AMBRA1: variants seen among roughly 807,000 people sequenced by gnomAD.
AMBRA1 encodes autophagy and beclin 1 regulator 1, also known as activating molecule in BECN1-regulated autophagy protein 1.
A neutral mutation model predicts 125.4 loss-of-function variants in AMBRA1; 47 were observed. That is an observed-to-expected ratio of 0.37 (90% CI 0.30 to 0.48). The LOEUF is 0.48. AMBRA1 is among the 20% of genes least tolerant of loss of function. AMBRA1 has a pLI of 0.99. For missense variants in AMBRA1, 1,331 were observed against 1,693.4 expected (o/e 0.79, Z 3.76); for synonymous variants, 626 against 655.5 (o/e 0.95, Z 0.69).
intron 11 of AMBRA1, among the ~76,000 whole-genome samples, chr11:46,484,236 A>G (rs552701223): frequency 1.3e-5 from 2 of 152,230 alleles, no homozygotes; most frequent in Non-Finnish European, 2.9e-5. Flanking sequence ...TTGACCTCAC[A>G]TTTGGCCTTC....
chr11:46,555,192 C>A (rs996049997), intron 1 of AMBRA1, among the ~76,000 whole-genome samples: 2 of 152,172 alleles, frequency 1.3e-5, no homozygotes, highest in Non-Finnish European at 2.9e-5. Flanking sequence ...AAGGCAATCA[C>A]CTTTCCAGAT....
At chr11:46,494,937 T>G (rs1432792211) in intron 9 of AMBRA1, 3 of 152,276 alleles carry the variant, frequency 2.0e-5, no homozygotes, top group Non-Finnish European at 2.9e-5. Flanking sequence ...TTATCCCATT[T>G]AATTCTTCTG....
chr11:46,524,163 C>T (rs1468789104), intron 7 of AMBRA1, among the ~76,000 whole-genome samples: 4 of 152,190 alleles, frequency 2.6e-5, no homozygotes, highest in East Asian at 3.8e-4. Context: ...CCACCGCACC[C>T]GGCCTAATGT....
chr11:46,441,461 A>G (rs1212684719), intron 12 of AMBRA1, among the ~76,000 whole-genome samples: 1 of 152,070 alleles, frequency 6.6e-6, no homozygotes, highest in Non-Finnish European at 1.5e-5. Context: ...ATTGCAGTAC[A>G]CCGAGATCAT....
In AMBRA1 at chr11:46,547,179, A is replaced by T; in HGVS notation, c.312T>A (p.His104Gln). The change falls in exon 4 of 18, where the codon CAT becomes CAA. Residue 104 changes from histidine (H) to glutamine (Q), a missense_variant. His to Gln is a conservative substitution (Grantham distance 24). Around this residue, in one of 4 missense-constraint regions of AMBRA1, gnomAD observed 144 missense variants for 250.4 expected, o/e 0.58. Coordinates refer to ENST00000683756, the MANE Select transcript of AMBRA1 (RefSeq NM_001387011.1). ...HRRTPWCVTF[H>Q]PTISGLIASG... is the part of the protein sequence containing the mutation. ...AAGCAATAAGGCCTGAGATGGTGGG[A>T]TGAAAAGTGACACACCATGGAGTAC... 6.2e-7 allele frequency: 1 copy of T among 1,614,196 alleles called. No individual in the cohort carries two copies. The highest frequency in any genetic ancestry group is 8.5e-7 in the Non-Finnish European group (1 of 1,180,038).
At chr11:46,421,252 A>G (rs1450528045) in intron 14 of AMBRA1, among the ~76,000 whole-genome samples, 1 of 152,196 alleles carries the variant, frequency 6.6e-6, no homozygotes, top group Non-Finnish European at 1.5e-5. Flanking sequence ...GGCAAGAGTC[A>G]TGGGGGCATC....
At chr11:46,464,073 G>A (rs1481950639) in intron 11 of AMBRA1, among the ~76,000 whole-genome samples, 1 of 152,124 alleles carries the variant, frequency 6.6e-6, no homozygotes, top group East Asian at 1.9e-4. Flanking sequence ...GGGATGCTGA[G>A]GTTAAAAAGC....
At chr11:46,433,707 C>T (rs1947563449) in intron 13 of AMBRA1, 79 bp from the exon 14 acceptor site, 4 of 1,438,762 alleles carry the variant, frequency 2.8e-6, no homozygotes, top group East Asian at 4.8e-5. Flanking sequence ...TTACTCTTGT[C>T]TTTTTCTCTA....
intron 11 of AMBRA1, among the ~76,000 whole-genome samples, chr11:46,456,110 C>T (rs1948833073): frequency 1.3e-5 from 2 of 152,064 alleles, no homozygotes; most frequent in African/African-American, 4.8e-5. Flanking sequence ...ACCTTTATTC[C>T]ACCCACAAAC....
chr11:46,447,757 TA>T (rs1565169250), intron 11 of AMBRA1, among the ~76,000 whole-genome samples: 1 of 138,714 alleles, frequency 7.2e-6, no homozygotes, highest in African/African-American at 2.5e-5. Context: ...GATAGATAGA[TA>T]GATAGATAGA....
intron 1 of AMBRA1, among the ~76,000 whole-genome samples, chr11:46,579,192 T>G (rs541940979): frequency 6.6e-6 from 1 of 151,992 alleles, no homozygotes; most frequent in Non-Finnish European, 1.5e-5. Context: ...GCATGGTGGC[T>G]CACGCCTGTA....
At chr11:46,418,677 A>C (rs573690532) in intron 14 of AMBRA1, among the ~76,000 whole-genome samples, 1 of 152,156 alleles carries the variant, frequency 6.6e-6, no homozygotes, top group African/African-American at 2.4e-5. Flanking sequence ...GATGACTCTT[A>C]ACTCATGCCT....
chr11:46,402,923 G>A (rs1945835508), intron 17 of AMBRA1, among the ~76,000 whole-genome samples: 1 of 152,192 alleles, frequency 6.6e-6, no homozygotes, highest in African/African-American at 2.4e-5. Flanking sequence ...CCAAGGCTAA[G>A]AGCAACTGAG....
At chr11:46,444,717 G>C (rs1190427381) in intron 11 of AMBRA1, among the ~76,000 whole-genome samples, 5 of 152,126 alleles carry the variant, frequency 3.3e-5, no homozygotes, top group Admixed American at 2.6e-4. Context: ...CTTGTGAACT[G>C]TAGTTTTTTT....
chr11:46,426,660 A>G (rs1035894226), intron 14 of AMBRA1, among the ~76,000 whole-genome samples: 4 of 151,998 alleles, frequency 2.6e-5, no homozygotes, highest in African/African-American at 9.7e-5. Context: ...CTTCTCCTAT[A>G]CTTCTTCCCC....
At position 46,542,229 on chromosome 11, in the gene AMBRA1, A is replaced by G; in HGVS notation, c.1788T>C (p.Ala596=). Residue 596 remains alanine (A), a synonymous_variant, in exon 7 of 18, where the codon GCT becomes GCC. Coordinates refer to ENST00000683756, the MANE Select transcript of AMBRA1 (RefSeq NM_001387011.1). This position sits in a 1 kb window ranked among gnomAD's most constrained non-coding sequence, Gnocchi z 5.9. ...RTTPNYSSGE[A]SSSWQVPSSF... is the part of the protein sequence containing the mutation. ...AGCTGGGGACCTGCCAAGAGGAACT[A>G]GCCTCGCCAGAGGAGTAGTTAGGTG... is the stretch of plus-strand genomic sequence containing the variant. 6.2e-7 allele frequency: 1 copy of G among 1,614,164 alleles called. No homozygotes were observed. The highest frequency in any genetic ancestry group is 8.5e-7 in the Non-Finnish European group (1 of 1,180,026).
chr11:46,478,648 C>CTTTTTTTTTTTTTTTTTTT (rs11449187), intron 11 of AMBRA1, among the ~76,000 whole-genome samples: 1 of 82,156 alleles, frequency 1.2e-5, no homozygotes, highest in African/African-American at 5.0e-5. Flanking sequence ...TCTTTTTTCT[C>CTTTTTTTTTTTTTTTTTTT]TTTTTTTTTT....
At chr11:46,530,993 C>A (rs1281102574) in intron 7 of AMBRA1, among the ~76,000 whole-genome samples, 1 of 152,192 alleles carries the variant, frequency 6.6e-6, no homozygotes, top group African/African-American at 2.4e-5. Flanking sequence ...AAGGAACTCT[C>A]CTGCCTCAGC....
intron 1 of AMBRA1, among the ~76,000 whole-genome samples, chr11:46,570,634 T>A (rs971067394): frequency 1.3e-5 from 2 of 152,152 alleles, no homozygotes; most frequent in Non-Finnish European, 2.9e-5. Flanking sequence ...TGCCCCCCCA[T>A]TGAACAGTAA....
Sources: gnomAD v4.1 joint callset for allele counts (sites outside exome capture counted in the v4.1 genomes callset) on GRCh38, gnomAD v4.1.1 for gene constraint, gnomAD v4.1.1 regional missense constraint, Gnocchi (gnomAD v3.1) non-coding constraint, MANE v1.5 for transcripts, NCBI Gene and HGNC (gene_info 2026-07-23, HGNC 2026-07-21) for gene names.